WASHC4: variants seen among roughly 807,000 people sequenced by gnomAD.
The protein encoded by WASHC4 is WASH complex subunit 7.
In WASHC4, 86 loss-of-function variants were observed where a neutral mutation model predicts 166.6. That is an observed-to-expected ratio of 0.52 (90% CI 0.43 to 0.62). The LOEUF is 0.62. WASHC4 is among the 20% of genes least tolerant of loss of function. The pLI, the probability that WASHC4 is intolerant of heterozygous loss-of-function variation, is 0.00. For missense variants in WASHC4, 1,262 were observed against 1,382.4 expected, an observed-to-expected ratio of 0.91 and a Z score of 1.38; for synonymous variants, 446 against 451.6, an observed-to-expected ratio of 0.99 and a Z score of 0.16.
intron 10 of WASHC4, among the ~76,000 whole-genome samples, chr12:105,123,944 C>A (rs890418316): frequency 3.9e-5 from 6 of 152,144 alleles, no homozygotes; most frequent in African/African-American, 1.4e-4. Context: ...ACAACAAAGC[C>A]TGATGACAGC....
intron 13 of WASHC4, among the ~76,000 whole-genome samples, chr12:105,127,716 A>T (rs143771147): frequency 6.6e-6 from 1 of 152,058 alleles, no homozygotes; most frequent in Admixed American, 6.5e-5. Context: ...ATATGCATGT[A>T]TATAAAACAT....
At position 105,126,110 on chromosome 12, in the gene WASHC4, A is replaced by G; in HGVS notation, c.893A>G (p.Asn298Ser). The change falls in exon 11 of 33, where the codon AAT (asparagine) becomes AGT (serine). Residue 298 changes from asparagine (N) to serine (S), a missense_variant. Coordinates refer to ENST00000332180, the MANE Select transcript of WASHC4 (RefSeq NM_015275.3). Reference sequence around the variant, plus strand: ...CATAGTATTCGGTCAATTTTTGCAAATGTAGAAGCCAAACTTGGTAATGTA... The same window carrying G: ...CATAGTATTCGGTCAATTTTTGCAAGTGTAGAAGCCAAACTTGGTAATGTA... ...FAHSIRSIFA[N>S]VEAKLGEPSE... 6.2e-7 allele frequency: 1 copy of G among 1,613,050 alleles called. No individual in the cohort carries two copies. The highest frequency in any genetic ancestry group is 8.5e-7 in the Non-Finnish European group (1 of 1,179,372).
At chr12:105,142,887 A>G (rs1882984603) in intron 19 of WASHC4, among the ~76,000 whole-genome samples, 1 of 152,072 alleles carries the variant, frequency 6.6e-6, no homozygotes, top group Non-Finnish European at 1.5e-5. Context: ...TTCTTTATGG[A>G]AATAAGTGTG....
In WASHC4 at chr12:105,169,108, A is replaced by G. The variant is rs985862246; in HGVS notation, c.*2177A>G. 3 of 152,602 alleles carry G rather than the reference A, an allele frequency of 2.0e-5. No homozygotes were observed. The highest frequency in any genetic ancestry group is 7.2e-5 in the African/African-American group (3 of 41,460). 9.5% of individuals were successfully genotyped at this position (152,602 alleles called of 1,614,324 possible). A position where few individuals can be genotyped will look rare whatever the true frequency, so the allele number is the denominator to read the frequency against. On this transcript the variant is annotated 3_prime_UTR_variant, in exon 33 of 33. Coordinates refer to ENST00000332180, the MANE Select transcript of WASHC4 (RefSeq NM_015275.3). ...GAGAATATAATGTGTATACTAAAACATTAATAAACATAATTTTGAAAATTT... is the reference window on the plus strand; with the variant it reads ...GAGAATATAATGTGTATACTAAAACGTTAATAAACATAATTTTGAAAATTT...
At chr12:105,158,346 T>G (rs1209809643) in intron 28 of WASHC4, among the ~76,000 whole-genome samples, 1 of 152,158 alleles carries the variant, frequency 6.6e-6, no homozygotes. Context: ...GAGAAATATA[T>G]TCCACCTTGG....
intron 14 of WASHC4, among the ~76,000 whole-genome samples, chr12:105,136,326 T>G (rs1034828138): frequency 4.6e-5 from 7 of 152,164 alleles, no homozygotes; most frequent in African/African-American, 1.7e-4. Context: ...CCAGGATCAC[T>G]TCTCTGAGTT....
chr12:105,126,346 T>C lies in WASHC4; in HGVS notation c.1022T>C (p.Leu341Ser), dbSNP rs1432971179. ...GATAAAAAGTTTTATAAGTCTTTAT[T>C]GGACATTTGTAAGAAGGTAAGAACT... Reference protein sequence around the residue: ...TIDKKFYKSLLDICKKVPAIT... With the variant: ...TIDKKFYKSLSDICKKVPAIT... Residue 341 changes from leucine to serine, a missense_variant, in exon 12 of 33, where the codon TTG (leucine) becomes TCG (serine). Transcript: ENST00000332180. 2 of 1,583,664 alleles carry C rather than the reference T, an allele frequency of 1.3e-6. No individual in the cohort carries two copies. Among genetic ancestry groups the C allele is most frequent in the African/African-American group, 2.7e-5 (2 of 74,304 alleles).
intron 32 of WASHC4, among the ~76,000 whole-genome samples, chr12:105,165,664 T>G (rs187400322): frequency 1.3e-5 from 2 of 152,300 alleles, no homozygotes; most frequent in Non-Finnish European, 2.9e-5. Context: ...ACCTTTTTTC[T>G]TTATATAGAG....
intron 9 of WASHC4, among the ~76,000 whole-genome samples, chr12:105,121,753 G>A (rs576284167): frequency 1.1e-4 from 16 of 152,132 alleles, no homozygotes; most frequent in Admixed American, 9.2e-4. Context: ...TGATCCGCCC[G>A]CCTTGGCCTC....
intron 32 of WASHC4, 106 bp downstream of exon 32, chr12:105,164,846 A>T: frequency 2.6e-6 from 2 of 759,028 alleles, no homozygotes. Flanking sequence ...TCCTTTTGGA[A>T]AATAACACAG....
intron 4 of WASHC4, 151 bp downstream of exon 4, chr12:105,114,578 G>A (rs1172510966): frequency 1.5e-6 from 1 of 650,022 alleles, no homozygotes; most frequent in Non-Finnish European, 2.7e-6. Flanking sequence ...CATTCATTGA[G>A]TACTTAGTAT....
chr12:105,165,231 C>G (rs545940014), intron 32 of WASHC4, among the ~76,000 whole-genome samples: 1 of 152,132 alleles, frequency 6.6e-6, no homozygotes, highest in African/African-American at 2.4e-5. Context: ...GCAATATAGC[C>G]ATAATAACTG....
At chr12:105,121,451 G>T (rs368451948) in intron 9 of WASHC4, among the ~76,000 whole-genome samples, 17 of 152,262 alleles carry the variant, frequency 1.1e-4, no homozygotes, top group East Asian at 5.8e-4. Context: ...AAGTTAATTT[G>T]CCTAGCTTAG....
rs1354879393 is a variant in WASHC4, at chr12:105,141,306, TTTC to T, written c.1787+63_1787+65del. 4 of 1,177,622 alleles carry T rather than the reference TTTC, an allele frequency of 3.4e-6. No individual in the cohort carries two copies. In the African/African-American group the frequency reaches 4.5e-5, roughly 13 times the overall value. 72.9% of individuals were successfully genotyped at this position (1,177,622 alleles called of 1,614,324 possible). A position where few individuals can be genotyped will look rare whatever the true frequency, so the allele number is the denominator to read the frequency against. On this transcript the variant is annotated intron_variant, in intron 18 of 32. Transcript: ENST00000332180. ...AGACAGGGTTAATAGAAACATTGATTTTCTTTTTAGCATAGCAAGAGAAGAAAT... is the reference window on the plus strand; with the variant it reads ...AGACAGGGTTAATAGAAACATTGATTTTTTTAGCATAGCAAGAGAAGAAAT...
chr12:105,122,146 T>C lies in WASHC4; in HGVS notation c.694T>C (p.Ser232Pro), dbSNP rs758003227. 6.2e-7 allele frequency: 1 copy of C among 1,607,214 alleles called. No individual in the cohort carries two copies. The highest frequency in any genetic ancestry group is 2.2e-5 in the East Asian group (1 of 44,734). The part of the protein sequence containing the change: ...RLLKSVHHNP[S>P]KFGIQEEKLK... ...ACTGAAATCTGTCCATCACAATCCTTCAAAATTTGGAATTCAGGAAGAAAA... is the reference window on the plus strand; with the variant it reads ...ACTGAAATCTGTCCATCACAATCCTCCAAAATTTGGAATTCAGGAAGAAAA... The change falls in exon 10 of 33, where the codon TCA becomes CCA. Residue 232 changes from serine to proline, a missense_variant. Transcript: ENST00000332180.
chr12:105,134,504 G>A (rs1882138089), intron 14 of WASHC4, among the ~76,000 whole-genome samples: 1 of 151,980 alleles, frequency 6.6e-6, no homozygotes, highest in Non-Finnish European at 1.5e-5. Context: ...TTTGTTTTGT[G>A]TATTTTTAGG....
intron 28 of WASHC4, among the ~76,000 whole-genome samples, chr12:105,158,855 T>C (rs1221332282): frequency 6.6e-6 from 1 of 152,220 alleles, no homozygotes; most frequent in African/African-American, 2.4e-5. Flanking sequence ...AACAGTTGTG[T>C]CAAAATGTTA....
At chr12:105,160,444 T>A (rs1344434107) in intron 29 of WASHC4, among the ~76,000 whole-genome samples, 1 of 152,168 alleles carries the variant, frequency 6.6e-6, no homozygotes, top group Non-Finnish European at 1.5e-5. Flanking sequence ...CCTCCTGGGC[T>A]CAAGCCAGCC....
Position 105,114,541 on chromosome 12 carries a change from A to G in WASHC4, c.321+114A>G, listed in dbSNP as rs980826023. The G allele has an allele frequency of 4.0e-6, 3 of 758,654 alleles. No homozygotes were observed. In the African/African-American group the frequency reaches 5.3e-5, roughly 13 times the overall value. 47.0% of individuals were successfully genotyped at this position (758,654 alleles called of 1,614,324 possible). On this transcript the variant is annotated intron_variant, in intron 4 of 32. Transcript: ENST00000332180. ...TTATTGAATGTTGAATGAATTATTT[A>G]TTTAACGTAATACTAATACGGACTA...
Sources: gnomAD v4.1 joint callset for allele counts (sites outside exome capture counted in the v4.1 genomes callset) on GRCh38, gnomAD v4.1.1 for gene constraint, MANE v1.5 for transcripts, NCBI Gene and HGNC (gene_info 2026-07-23, HGNC 2026-07-21) for gene names.